Variants in RPS6KA4 observed in about 807,000 individuals in gnomAD.
RPS6KA4 encodes ribosomal protein S6 kinase alpha-4.
RPS6KA4 carries 38 observed loss-of-function variants against 89.6 expected under a neutral mutation model. That is an observed-to-expected ratio of 0.42 (90% CI 0.33 to 0.56). The LOEUF (loss-of-function observed/expected upper bound fraction) is 0.56. RPS6KA4 is among the 20% of genes least tolerant of loss of function. The pLI is 0.07. For synonymous variants in RPS6KA4, 495 were observed against 492.8 expected (o/e 1.00, Z -0.06); for missense variants, 873 against 1,098.8 (o/e 0.79, Z 2.90).
At chr11:64,363,617 G>A (rs938708410) in intron 8 of RPS6KA4, among the ~76,000 whole-genome samples, 2 of 151,844 alleles carry the variant, frequency 1.3e-5, no homozygotes, top group Non-Finnish European at 2.9e-5. Context: ...TCAGCCTCCC[G>A]AGTAGCTGGG....
chr11:64,369,850 G>T lies in RPS6KA4; in HGVS notation c.1754G>T (p.Gly585Val). Reference protein sequence around the residue: ...YAAPELLAQQGYDESCDLWSL... With the variant: ...YAAPELLAQQVYDESCDLWSL... ...GCCCCCGAGCTGCTGGCGCAGCAGGGCTACGACGAGTCCTGCGACCTCTGG... is the reference window on the plus strand; with the variant it reads ...GCCCCCGAGCTGCTGGCGCAGCAGGTCTACGACGAGTCCTGCGACCTCTGG... Residue 585 changes from glycine to valine, a missense_variant, in exon 14 of 17, where the codon GGC (glycine) becomes GTC (valine). This residue lies in a region of RPS6KA4 where 278 missense variants were observed against 284.8 expected (regional missense o/e 0.98). Coordinates refer to ENST00000334205, the MANE Select transcript of RPS6KA4 (RefSeq NM_003942.3). 2 of 1,574,790 alleles carry T rather than the reference G, an allele frequency of 1.3e-6. No individual in the cohort carries two copies. The highest frequency in any genetic ancestry group is 1.7e-6 in the Non-Finnish European group (2 of 1,161,198).
At chr11:64,365,208 C>T in intron 8 of RPS6KA4, 93 bp from the exon 9 acceptor site, 2 of 1,461,354 alleles carry the variant, frequency 1.4e-6, no homozygotes. Flanking sequence ...GGGCCCTTGC[C>T]TCATGGAGGA....
chr11:64,359,673 C>CG (rs2036688643), intron 2 of RPS6KA4: 1 of 582,814 alleles, frequency 1.7e-6, no homozygotes, highest in Admixed American at 3.1e-5. Flanking sequence ...CGTGCATACC[C>CG]CCCTGGATTT....
chr11:64,362,642 C>T lies in RPS6KA4; in HGVS notation c.906+640C>T, dbSNP rs553423069. Among the ~76,000 whole-genome samples, 33 of 152,292 alleles carry T rather than the reference C, an allele frequency of 2.2e-4. 1 individual carries two copies. The South Asian group carries it at 6.8e-3, about 32-fold the overall frequency. The stretch of plus-strand genomic sequence containing the variant: ...ATACCTACTGTGTGTCGGCCCTTTG[C>T]GGACATGAACTCATTTCACCCTCAC... On this transcript the variant is annotated intron_variant, in intron 8 of 16. Coordinates refer to ENST00000334205, the MANE Select transcript of RPS6KA4 (RefSeq NM_003942.3).
chr11:64,369,650 G>A, intron 13 of RPS6KA4, 31 bp downstream of exon 13: 1 of 1,600,968 alleles, frequency 6.2e-7, no homozygotes, highest in Non-Finnish European at 8.5e-7. Context: ...GCGGGGCGGA[G>A]CGGTGGCGCC....
intron 8 of RPS6KA4, 37 bp downstream of exon 8, chr11:64,362,039 T>TGCTGGA: frequency 6.4e-7 from 1 of 1,574,038 alleles, no homozygotes; most frequent in South Asian, 1.2e-5. Context: ...TCCTGGTGCA[T>TGCTGGA]ACCCAGGTGG....
At chr11:64,364,893 C>T (rs894891909) in intron 8 of RPS6KA4, among the ~76,000 whole-genome samples, 29 of 150,128 alleles carry the variant, frequency 1.9e-4, no homozygotes, top group Admixed American at 1.7e-3. Flanking sequence ...GTGTGCACCA[C>T]CACGCCCAGC....
intron 8 of RPS6KA4, 108 bp from the exon 9 acceptor site, chr11:64,365,193 C>T: frequency 7.5e-7 from 1 of 1,327,702 alleles, no homozygotes; most frequent in Non-Finnish European, 1.0e-6. Context: ...CCCCAAATGC[C>T]AGATGGGCCC....
At chr11:64,360,941 G>A (rs1465496521) in intron 4 of RPS6KA4, 193 bp from the exon 5 acceptor site, 7 of 581,542 alleles carry the variant, frequency 1.2e-5, no homozygotes, top group Non-Finnish European at 2.1e-5. Flanking sequence ...CTTGGGGCCT[G>A]ATCCACGGGG....
intron 2 of RPS6KA4, 124 bp from the exon 3 acceptor site, chr11:64,360,039 G>A (rs571827688): frequency 2.2e-6 from 2 of 891,190 alleles, no homozygotes; most frequent in East Asian, 2.7e-5. Flanking sequence ...TTGCACACCT[G>A]CCTGTTGCCC....
intron 12 of RPS6KA4, among the ~76,000 whole-genome samples, 157 bp downstream of exon 12, chr11:64,368,954 G>A (rs559041154): frequency 2.0e-5 from 3 of 152,248 alleles, no homozygotes; most frequent in African/African-American, 7.2e-5. Context: ...AATTTGAGGG[G>A]AGTAGGGCCT....
rs371951818 is a variant in RPS6KA4, at chr11:64,361,836, C to T, written c.756-16C>T. 4 of 1,592,254 alleles carry T rather than the reference C, an allele frequency of 2.5e-6. 1 individual carries two copies. The highest frequency in any genetic ancestry group is 3.4e-6 in the Non-Finnish European group (4 of 1,172,370). Reference sequence around the variant, plus strand: ...TGGGGGGCTTGCTGCCCCTGACACCCCCCCAATCCTCCCAGACGGATCCTG... The same window carrying T: ...TGGGGGGCTTGCTGCCCCTGACACCTCCCCAATCCTCCCAGACGGATCCTG... On this transcript the variant is annotated splice_polypyrimidine_tract_variant and intron_variant, in intron 7 of 16. Transcript: ENST00000334205. This position sits in a 1 kb window ranked among gnomAD's most constrained non-coding sequence, Gnocchi z 4.7.
Position 64,370,284 on chromosome 11 carries a change from C to T in RPS6KA4, c.1857C>T (p.Ser619=), listed in dbSNP as rs781006734. ...GGGCCTCTGGCCAGGGCGGGCAGAGCCAGGCGGCCGAGATCATGTGCAAAA... is the reference window on the plus strand; with the variant it reads ...GGGCCTCTGGCCAGGGCGGGCAGAGTCAGGCGGCCGAGATCATGTGCAAAA... The part of the protein sequence containing the change: ...FQGASGQGGQ[S]QAAEIMCKIR... Residue 619 remains serine, a synonymous_variant, in exon 15 of 17, where the codon AGC becomes AGT. Transcript: ENST00000334205. This position sits in a 1 kb window ranked among gnomAD's most constrained non-coding sequence, Gnocchi z 4.1. The T allele has an allele frequency of 1.3e-5, 20 of 1,589,502 alleles. No individual in the cohort carries two copies. Among genetic ancestry groups the T allele is most frequent in the Non-Finnish European group, 1.6e-5 (19 of 1,173,180 alleles).
chr11:64,364,079 C>G (rs1007398187), intron 8 of RPS6KA4, among the ~76,000 whole-genome samples: 3 of 151,834 alleles, frequency 2.0e-5, no homozygotes, highest in African/African-American at 7.3e-5. Flanking sequence ...GATTAGCAGA[C>G]CAGGGCTGCC....
rs200447389 is a variant in RPS6KA4 at position 64,365,440 on chromosome 11, C to A, written c.1046C>A (p.Pro349Gln). The change falls in exon 9 of 17, where the codon CCA (proline) becomes CAA (glutamine). Residue 349 changes from proline to glutamine, a missense_variant. Around this residue, in one of 4 missense-constraint regions of RPS6KA4, gnomAD observed 542 missense variants for 736.4 expected, o/e 0.74. Coordinates refer to ENST00000334205, the MANE Select transcript of RPS6KA4 (RefSeq NM_003942.3). ...EPVYSPPGSP[P>Q]PGDPRIFQGY... is the part of the protein sequence containing the mutation. ...GTCTACTCACCCCCTGGCAGCCCCC[C>A]ACCTGGGGACCCCCGAATCTTTCAG... 2.3e-5 allele frequency: 37 copies of A among 1,613,838 alleles called. No homozygotes were observed. The East Asian group carries it at 2.7e-4, about 12-fold the overall frequency.
Position 64,369,896 on chromosome 11 carries a change from A to C in RPS6KA4, c.1797+3A>C. On this transcript the variant is annotated splice_donor_region_variant and intron_variant, in intron 14 of 16. Coordinates refer to ENST00000334205, the MANE Select transcript of RPS6KA4 (RefSeq NM_003942.3). ...TCTGGAGCCTGGGCGTCATTCTGGT[A>C]TGGGACGCGGTCCTTGAGGCGGGGT... 1 of 1,534,950 alleles carries C rather than the reference A, an allele frequency of 6.5e-7. No individual in the cohort carries two copies. Among genetic ancestry groups the C allele is most frequent in the Admixed American group, 2.0e-5 (1 of 49,604 alleles).
At chr11:64,367,857 C>T (rs1329601598) in intron 9 of RPS6KA4, among the ~76,000 whole-genome samples, 1 of 152,176 alleles carries the variant, frequency 6.6e-6, no homozygotes, top group East Asian at 1.9e-4. Flanking sequence ...CCTTTCAGTG[C>T]CTTCAGCCCT....
At chr11:64,362,441 C>T (rs1351129336) in intron 8 of RPS6KA4, among the ~76,000 whole-genome samples, 3 of 152,232 alleles carry the variant, frequency 2.0e-5, no homozygotes, top group Admixed American at 2.0e-4. Context: ...CCTGTACAGT[C>T]TGTGTGCCTG....
intron 9 of RPS6KA4, among the ~76,000 whole-genome samples, chr11:64,367,569 C>T (rs1389357127): frequency 6.6e-6 from 1 of 152,196 alleles, no homozygotes; most frequent in African/African-American, 2.4e-5. Context: ...CCTCAGCCTC[C>T]CAAAGTACTG....
Sources: gnomAD v4.1 joint callset for allele counts (sites outside exome capture counted in the v4.1 genomes callset) on GRCh38, gnomAD v4.1.1 for gene constraint, gnomAD v4.1.1 regional missense constraint, Gnocchi (gnomAD v3.1) non-coding constraint, MANE v1.5 for transcripts, NCBI Gene and HGNC (gene_info 2026-07-23, HGNC 2026-07-21) for gene names.